The following HPSE2 variants were observed in gnomAD, a reference collection of about 807,000 sequenced individuals.
HPSE2 encodes the protein inactive heparanase-2.
A neutral mutation model predicts 60.5 loss-of-function variants in HPSE2; 38 were observed. The ratio of observed to expected loss-of-function variants is 0.63; its 90% CI spans 0.48 to 0.82. HPSE2 has a LOEUF of 0.82. Ranked by LOEUF, HPSE2 falls within the 40% of genes least tolerant of loss-of-function variation. The pLI is 0.00. For missense variants in HPSE2, 713 were observed against 740.4 expected (o/e 0.96, Z 0.43); for synonymous variants, 295 against 293.2 (o/e 1.01, Z -0.06).
chr10:98,889,357 CTCTT>C (rs920756059), intron 3 of HPSE2, among the ~76,000 whole-genome samples: 4 of 150,516 alleles, frequency 2.7e-5, no homozygotes, highest in African/African-American at 9.8e-5. Flanking sequence ...TTTTCTCTCT[CTCTT>C]TTCTTTTTTT....
At chr10:98,790,869 G>A (rs543227313) in intron 3 of HPSE2, among the ~76,000 whole-genome samples, 3 of 152,238 alleles carry the variant, frequency 2.0e-5, no homozygotes, top group African/African-American at 7.2e-5. Flanking sequence ...TGATGACTGA[G>A]TATTACTGCA....
At position 99,235,560 on chromosome 10, in the gene HPSE2, C is replaced by A. The variant is rs780530294; in HGVS notation, c.243G>T (p.Leu81=). Residue 81 remains leucine, a synonymous_variant, in exon 1 of 12, where the codon CTG becomes CTT. Transcript: ENST00000370552. ...VRTVNENFLS[L]QLDPSIIHDG... ...CATGAATGATGGACGGATCCAGCTG[C>A]AGAGAGAGGAAGTTCTCATTGACTG... The A allele has an allele frequency of 2.5e-6, 4 of 1,614,106 alleles. No homozygotes were observed. The highest frequency in any genetic ancestry group is 1.1e-5 in the South Asian group (1 of 91,072).
chr10:98,694,680 G>C (rs1433344231), intron 5 of HPSE2, among the ~76,000 whole-genome samples: 1 of 152,194 alleles, frequency 6.6e-6, no homozygotes, highest in African/African-American at 2.4e-5. Flanking sequence ...CCAAGAAGAT[G>C]CATCTGGGGG....
At chr10:98,977,432 G>A (rs977449867) in intron 3 of HPSE2, among the ~76,000 whole-genome samples, 5 of 152,164 alleles carry the variant, frequency 3.3e-5, no homozygotes, top group Non-Finnish European at 7.4e-5. Flanking sequence ...AGGCAATAAG[G>A]TGGGCAACCA....
In HPSE2 at chr10:99,128,693, G is replaced by A. The variant is rs1316462082; in HGVS notation, c.610+15545C>T. 6.6e-5 allele frequency among the ~76,000 whole-genome samples: 10 copies of A among 152,112 alleles called. No individual in the cohort carries two copies. In the South Asian group the frequency reaches 1.7e-3, roughly 25 times the overall value. ...TGGGGCCTGCTGGGGGATGTGGCAA[G>A]GGGAAGAAAAGCATTAGGAAAAATA... On this transcript the variant is annotated intron_variant, in intron 3 of 11. Coordinates refer to ENST00000370552, the MANE Select transcript of HPSE2 (RefSeq NM_021828.5).
At chr10:99,307,653 G>C in the HPSE2 span, among the ~76,000 whole-genome samples, 3 of 152,162 alleles carry the variant, frequency 2.0e-5, no homozygotes, top group Non-Finnish European at 4.4e-5. Flanking sequence ...CACCCCCATG[G>C]CACAGCCAAG....
chr10:99,304,732 C>T, the HPSE2 span, among the ~76,000 whole-genome samples: 2 of 152,234 alleles, frequency 1.3e-5, no homozygotes, highest in Admixed American at 6.5e-5. Context: ...TATGTGCTCA[C>T]TCCTGGGACA....
chr10:98,613,277 T>C (rs368882178), intron 9 of HPSE2, among the ~76,000 whole-genome samples: 3 of 152,368 alleles, frequency 2.0e-5, no homozygotes, highest in African/African-American at 7.2e-5. Context: ...CTAATTATTT[T>C]ATTTCTGCAA....
At chr10:98,868,110 T>G (rs1039464010) in intron 3 of HPSE2, among the ~76,000 whole-genome samples, 1 of 150,226 alleles carries the variant, frequency 6.7e-6, no homozygotes, top group African/African-American at 2.4e-5. Flanking sequence ...AATAAATAAA[T>G]AAATAAATAA....
intron 3 of HPSE2, among the ~76,000 whole-genome samples, chr10:99,088,853 C>G (rs1843417442): frequency 1.3e-5 from 2 of 152,070 alleles, no homozygotes; most frequent in African/African-American, 4.8e-5. Context: ...TCACCACATC[C>G]ACACCAACAT....
intron 9 of HPSE2, among the ~76,000 whole-genome samples, chr10:98,599,123 G>A (rs1945327182): frequency 6.6e-6 from 1 of 152,166 alleles, no homozygotes; most frequent in Admixed American, 6.5e-5. Context: ...GGGCCACAGA[G>A]ATTGACCTGA....
intron 6 of HPSE2, among the ~76,000 whole-genome samples, chr10:98,649,450 A>T (rs1946859830): frequency 6.6e-6 from 1 of 152,228 alleles, no homozygotes; most frequent in Non-Finnish European, 1.5e-5. Context: ...AGTAACAGAC[A>T]CCAAAACCTT....
intron 3 of HPSE2, among the ~76,000 whole-genome samples, chr10:99,069,256 G>C (rs958437072): frequency 5.3e-5 from 8 of 152,150 alleles, no homozygotes; most frequent in African/African-American, 1.7e-4. Flanking sequence ...GGTTAAGAAA[G>C]CTCTAGAACC....
At chr10:99,038,531 G>A (rs1486512090) in intron 3 of HPSE2, among the ~76,000 whole-genome samples, 2 of 152,122 alleles carry the variant, frequency 1.3e-5, no homozygotes, top group Non-Finnish European at 2.9e-5. Context: ...AAGCAAAGAA[G>A]TAGGTGTGAC....
intron 3 of HPSE2, among the ~76,000 whole-genome samples, chr10:99,031,264 C>T (rs868766439): frequency 6.6e-6 from 1 of 151,832 alleles, no homozygotes; most frequent in East Asian, 2.0e-4. Context: ...AATACATATA[C>T]CTACCATGTA....
intron 11 of HPSE2, among the ~76,000 whole-genome samples, chr10:98,478,465 A>G (rs1411979912): frequency 2.0e-5 from 3 of 152,130 alleles, no homozygotes; most frequent in Non-Finnish European, 4.4e-5. Flanking sequence ...TCTCTTGTCC[A>G]ACCCCCGACT....
chr10:98,652,061 A>G, intron 6 of HPSE2, among the ~76,000 whole-genome samples: 1 of 152,134 alleles, frequency 6.6e-6, no homozygotes. Context: ...GTGAGCCACC[A>G]CGCTCGGCCA....
chr10:98,581,725 T>C lies in HPSE2; in HGVS notation c.1320+33179A>G, dbSNP rs559294229. Among the ~76,000 whole-genome samples, 33 of 152,304 alleles carry C rather than the reference T, an allele frequency of 2.2e-4. No homozygotes were observed. The South Asian group carries it at 6.8e-3, about 32-fold the overall frequency. On this transcript the variant is annotated intron_variant, in intron 9 of 11. Transcript: ENST00000370552. Reference sequence around the variant, plus strand: ...TTATAAAACGAAATAAAAGTCAGTCTGCTTTTTATTATTGCCATGTGCCAA... The same window carrying C: ...TTATAAAACGAAATAAAAGTCAGTCCGCTTTTTATTATTGCCATGTGCCAA...
rs111793259 is a variant in HPSE2 at position 99,056,394 on chromosome 10, T to C, written c.610+87844A>G. On this transcript the variant is annotated intron_variant, in intron 3 of 11. Coordinates refer to ENST00000370552, the MANE Select transcript of HPSE2 (RefSeq NM_021828.5). ...TTGAAGGAAGGCTTAACATCAATAG[T>C]ACACAAATGCTTTCTGAAAATAAAG... is the stretch of plus-strand genomic sequence containing the variant. 5.2e-3 allele frequency among the ~76,000 whole-genome samples: 789 copies of C among 152,248 alleles called. 8 individuals are homozygous for C. Among genetic ancestry groups the C allele is most frequent in the African/African-American group, 0.018 (756 of 41,554 alleles).
Sources: gnomAD v4.1 joint callset for allele counts (sites outside exome capture counted in the v4.1 genomes callset) on GRCh38, gnomAD v4.1.1 for gene constraint, MANE v1.5 for transcripts, NCBI Gene and HGNC (gene_info 2026-07-23, HGNC 2026-07-21) for gene names.